Variants in CYRIA observed in about 807,000 individuals in gnomAD.
CYRIA encodes the protein CYFIP related Rac1 interactor A.
Under a neutral mutation model 43.9 loss-of-function variants are expected in CYRIA, and 15 were observed. That is an observed-to-expected ratio of 0.34 (90% CI 0.23 to 0.53). CYRIA has a LOEUF of 0.53. CYRIA is among the 20% of genes least tolerant of loss of function. CYRIA has a pLI of 0.94. For synonymous variants in CYRIA, 117 were observed against 136.0 expected (o/e 0.86, Z 0.97); for missense variants, 236 against 394.2 (o/e 0.60, Z 3.40).
At chr2:16,649,391 C>T (rs972371326) in intron 1 of CYRIA, among the ~76,000 whole-genome samples, 2 of 152,002 alleles carry the variant, frequency 1.3e-5, no homozygotes, top group African/African-American at 2.4e-5. Context: ...GACAGTTGTA[C>T]AGTACAGGGG....
chr2:16,598,352 A>T (rs1167713577), intron 2 of CYRIA, among the ~76,000 whole-genome samples: 4 of 84,698 alleles, frequency 4.7e-5, no homozygotes, highest in African/African-American at 7.1e-5. Flanking sequence ...CATTCTCCAC[A>T]TCACTTTCAG....
intron 3 of CYRIA, among the ~76,000 whole-genome samples, chr2:16,566,760 T>C (rs1666947408): frequency 1.3e-5 from 2 of 152,196 alleles, no homozygotes; most frequent in African/African-American, 2.4e-5. Flanking sequence ...GAGCATTTCA[T>C]GGGAGCTGGT....
chr2:16,582,552 T>G (rs1221063478), intron 3 of CYRIA, among the ~76,000 whole-genome samples: 1 of 152,164 alleles, frequency 6.6e-6, no homozygotes, highest in East Asian at 1.9e-4. Context: ...GCCTAGACAA[T>G]TAATCTTTCT....
chr2:16,642,700 C>G (rs1669710425), intron 1 of CYRIA, among the ~76,000 whole-genome samples: 1 of 152,236 alleles, frequency 6.6e-6, no homozygotes, highest in Non-Finnish European at 1.5e-5. Flanking sequence ...CTATCAGGTC[C>G]ATCACATTGG....
At chr2:16,571,108 A>C (rs10167829) in intron 3 of CYRIA, among the ~76,000 whole-genome samples, 1 of 151,992 alleles carries the variant, frequency 6.6e-6, no homozygotes, top group Non-Finnish European at 1.5e-5. Context: ...AAATGTATCA[A>C]GTGCCCTGCG....
rs1400825187 is a variant in CYRIA at position 16,551,008 on chromosome 2, T to C, written c.*1928A>G. 6.6e-6 allele frequency: 1 copy of C among 152,112 alleles called. No individual in the cohort carries two copies. Among genetic ancestry groups the C allele is most frequent in the African/African-American group, 2.4e-5 (1 of 41,440 alleles). 9.4% of individuals were successfully genotyped at this position (152,112 alleles called of 1,614,324 possible). On this transcript the variant is annotated 3_prime_UTR_variant, in exon 12 of 12. Coordinates refer to ENST00000381323, the MANE Select transcript of CYRIA (RefSeq NM_030797.4). ...TTTAGAATCTGTAGGTTCAAAAAGG[T>C]CTTGAAGACCACCTAGCATATTTCT...
Position 16,588,265 on chromosome 2 carries a change from T to C in CYRIA, c.-10-136A>G. ...CTCCAACCCAGGGGTTGAGCAATAA[T>C]GTAGCAACTCATTTCTAAATTGGTG... On this transcript the variant is annotated intron_variant, in intron 2 of 11. Coordinates refer to ENST00000381323, the MANE Select transcript of CYRIA (RefSeq NM_030797.4). 5 of 552,912 alleles carry C rather than the reference T, an allele frequency of 9.0e-6. No individual in the cohort carries two copies. In the South Asian group the frequency reaches 1.4e-4, roughly 16 times the overall value. The allele number at this position is 552,912 out of a possible 1,614,324, so 34.3% of individuals were successfully genotyped here.
Position 16,593,375 on chromosome 2 carries a change from C to T in CYRIA, c.-10-5246G>A, listed in dbSNP as rs140915593. ...CATGCAAGTCATGGTATTTTAAATA[C>T]ATTTTCTTGTTTCATATTCAAAATA... On this transcript the variant is annotated intron_variant, in intron 2 of 11. Coordinates refer to ENST00000381323, the MANE Select transcript of CYRIA (RefSeq NM_030797.4). 7.2e-5 allele frequency among the ~76,000 whole-genome samples: 11 copies of T among 152,184 alleles called. No individual in the cohort carries two copies. The East Asian group carries it at 1.5e-3, about 21-fold the overall frequency.
At chr2:16,626,889 G>A (rs909862360) in intron 1 of CYRIA, among the ~76,000 whole-genome samples, 1 of 152,194 alleles carries the variant, frequency 6.6e-6, no homozygotes, top group South Asian at 2.1e-4. Flanking sequence ...CCCTTCTGTA[G>A]CACCTGGCAG....
At chr2:16,560,052 TA>T (rs1666673140) in intron 9 of CYRIA, among the ~76,000 whole-genome samples, 1 of 152,178 alleles carries the variant, frequency 6.6e-6, no homozygotes, top group Non-Finnish European at 1.5e-5. Context: ...AAAAATACCT[TA>T]AAAAACTATG....
At chr2:16,631,456 G>A (rs905861300) in intron 1 of CYRIA, among the ~76,000 whole-genome samples, 2 of 152,224 alleles carry the variant, frequency 1.3e-5, no homozygotes, top group Admixed American at 6.5e-5. Flanking sequence ...ACATACTGAT[G>A]CTTCTAAATT....
intron 1 of CYRIA, among the ~76,000 whole-genome samples, chr2:16,633,896 T>G (rs1669412719): frequency 1.3e-5 from 2 of 152,118 alleles, no homozygotes; most frequent in Non-Finnish European, 2.9e-5. Context: ...AGTATCCACA[T>G]TCCAGTCACA....
At chr2:16,573,148 T>C (rs777979379) in intron 3 of CYRIA, among the ~76,000 whole-genome samples, 3 of 152,254 alleles carry the variant, frequency 2.0e-5, no homozygotes, top group Non-Finnish European at 4.4e-5. Context: ...TCAAAGCCAG[T>C]GTTCCTCAGC....
At chr2:16,649,496 C>T (rs942568407) in intron 1 of CYRIA, among the ~76,000 whole-genome samples, 5 of 151,248 alleles carry the variant, frequency 3.3e-5, no homozygotes, top group Admixed American at 2.6e-4. Flanking sequence ...TTGTACAGTA[C>T]AGGGCATGGC....
At chr2:16,561,416 T>C (rs1666727193) in intron 7 of CYRIA, 40 bp downstream of exon 7, 4 of 1,579,500 alleles carry the variant, frequency 2.5e-6, no homozygotes, top group Non-Finnish European at 3.5e-6. Context: ...AAAAGAGTCA[T>C]GGAGAAGGGT....
At chr2:16,613,901 G>A (rs755021248) in intron 2 of CYRIA, among the ~76,000 whole-genome samples, 107 of 152,164 alleles carry the variant, frequency 7.0e-4, no homozygotes, top group Non-Finnish European at 8.2e-4. Flanking sequence ...GCCAGAAAAC[G>A]GGGCTATGAC....
At chr2:16,606,652 C>T (rs945146099) in intron 2 of CYRIA, among the ~76,000 whole-genome samples, 1 of 152,080 alleles carries the variant, frequency 6.6e-6, no homozygotes, top group Non-Finnish European at 1.5e-5. Flanking sequence ...GTTTATCTGC[C>T]TCCATAGTTC....
intron 1 of CYRIA, among the ~76,000 whole-genome samples, chr2:16,653,704 T>C (rs1670029961): frequency 6.6e-6 from 1 of 152,086 alleles, no homozygotes; most frequent in South Asian, 2.1e-4. Flanking sequence ...GTTGAATAAG[T>C]AGATGGACAG....
intron 3 of CYRIA, among the ~76,000 whole-genome samples, chr2:16,577,268 A>G (rs1001667116): frequency 1.3e-5 from 2 of 152,168 alleles, no homozygotes; most frequent in African/African-American, 4.8e-5. Flanking sequence ...ATGCCATTTG[A>G]GAAAATCAGA....
Sources: allele counts gnomAD v4.1 joint callset (sites outside exome capture counted in the v4.1 genomes callset), GRCh38; gene constraint gnomAD v4.1.1; transcripts MANE v1.5; gene names NCBI Gene and HGNC (gene_info 2026-07-23, HGNC 2026-07-21).